The following OSTN variants were observed in gnomAD, a reference collection of about 807,000 sequenced individuals.
OSTN encodes osteocrin.
In OSTN, 9 loss-of-function variants were observed where a neutral mutation model predicts 12.0. The ratio of observed to expected loss-of-function variants is 0.75; its 90% confidence interval spans 0.45 to 1.30. OSTN has a LOEUF of 1.30. Ranked by LOEUF, OSTN falls within the 50% of genes most tolerant of loss-of-function variation. The pLI, the probability that OSTN is intolerant of heterozygous loss-of-function variation, is 0.00. For missense variants in OSTN, 148 were observed against 152.3 expected (o/e 0.97, Z 0.15); for synonymous variants, 59 against 56.9 (o/e 1.04, Z -0.16).
At chr3:191,201,280 C>G (rs1029081107) in intron 1 of OSTN, among the ~76,000 whole-genome samples, 2 of 152,012 alleles carry the variant, frequency 1.3e-5, no homozygotes, top group African/African-American at 4.8e-5. Context: ...CTCTCTTCCT[C>G]TTCAACAATT....
chr3:191,235,990 C>T (rs747083691), intron 3 of OSTN, among the ~76,000 whole-genome samples: 111 of 152,312 alleles, frequency 7.3e-4, no homozygotes, highest in Non-Finnish European at 1.1e-3. Flanking sequence ...TCTCAAAGCC[C>T]TTTCCCCATA....
chr3:191,239,888 T>G (rs1355889480), intron 3 of OSTN, among the ~76,000 whole-genome samples: 1 of 152,202 alleles, frequency 6.6e-6, no homozygotes, highest in Admixed American at 6.5e-5. Flanking sequence ...GGTTATCGGC[T>G]TGCTTCCTCT....
intron 2 of OSTN, among the ~76,000 whole-genome samples, chr3:191,213,804 C>T (rs550037383): frequency 1.3e-5 from 2 of 151,038 alleles, no homozygotes; most frequent in Admixed American, 6.6e-5. Context: ...CTTAAAAAAA[C>T]GATTGTGTAG....
In OSTN at chr3:191,227,892, G is replaced by A. The variant is rs867646747; in HGVS notation, c.317+8931G>A. Among the ~76,000 whole-genome samples the A allele has an allele frequency of 7.9e-5, 12 of 152,038 alleles. No individual in the cohort carries two copies. The South Asian group carries it at 2.3e-3, about 29-fold the overall frequency. On this transcript the variant is annotated intron_variant, in intron 3 of 4. Transcript: ENST00000682035. ...GACATTTTGAAATCATGCCATATCA[G>A]GTGTTATAATTTTATTTAACACGTT...
intron 3 of OSTN, among the ~76,000 whole-genome samples, chr3:191,243,315 C>T (rs1715361220): frequency 6.6e-6 from 1 of 152,068 alleles, no homozygotes; most frequent in African/African-American, 2.4e-5. Flanking sequence ...TAGAGGAATC[C>T]TTACTTGAAC....
At chr3:191,204,709 A>C (rs1179541748) in intron 1 of OSTN, among the ~76,000 whole-genome samples, 1 of 152,240 alleles carries the variant, frequency 6.6e-6, no homozygotes, top group African/African-American at 2.4e-5. Context: ...ACCTTCTTTA[A>C]AACTTTGTTC....
At chr3:191,213,591 A>C (rs1714522610) in intron 2 of OSTN, among the ~76,000 whole-genome samples, 2 of 152,116 alleles carry the variant, frequency 1.3e-5, no homozygotes, top group African/African-American at 4.8e-5. Flanking sequence ...TTTTAATTAC[A>C]GTACAAATAT....
intron 1 of OSTN, among the ~76,000 whole-genome samples, chr3:191,202,764 T>C (rs1007247347): frequency 6.6e-6 from 1 of 152,222 alleles, no homozygotes; most frequent in South Asian, 2.1e-4. Context: ...CCAGCCGATA[T>C]GTGCAACTCT....
At chr3:191,243,332 G>T (rs1715361533) in intron 3 of OSTN, among the ~76,000 whole-genome samples, 1 of 152,036 alleles carries the variant, frequency 6.6e-6, no homozygotes, top group Non-Finnish European at 1.5e-5. Flanking sequence ...GAACACCAAA[G>T]GCAGGTACAG....
chr3:191,232,893 G>A (rs1222701410), intron 3 of OSTN, among the ~76,000 whole-genome samples: 1 of 152,120 alleles, frequency 6.6e-6, no homozygotes, highest in Admixed American at 6.5e-5. Context: ...GGGATTACTG[G>A]TGTGAGCCAC....
chr3:191,241,466 G>A (rs1188644750), intron 3 of OSTN, among the ~76,000 whole-genome samples: 3 of 151,916 alleles, frequency 2.0e-5, no homozygotes, highest in Non-Finnish European at 4.4e-5. Context: ...TTACAGGCGT[G>A]AGCCAACGCG....
intron 3 of OSTN, among the ~76,000 whole-genome samples, chr3:191,241,519 T>C (rs1449721210): frequency 6.6e-6 from 1 of 152,144 alleles, no homozygotes; most frequent in East Asian, 1.9e-4. Flanking sequence ...ACTAGCATTT[T>C]AGTGCCCCTT....
chr3:191,241,939 C>T (rs1208809795), intron 3 of OSTN, among the ~76,000 whole-genome samples: 3 of 152,026 alleles, frequency 2.0e-5, no homozygotes, highest in Non-Finnish European at 4.4e-5. Flanking sequence ...AATTGTAGGA[C>T]AGCCTCATTA....
intron 4 of OSTN, among the ~76,000 whole-genome samples, chr3:191,256,904 G>C (rs970699524): frequency 6.6e-6 from 1 of 151,996 alleles, no homozygotes; most frequent in Non-Finnish European, 1.5e-5. Context: ...AACCAAGGTT[G>C]GGTGTTGTGG....
At chr3:191,254,835 A>G (rs1293671466) in intron 4 of OSTN, among the ~76,000 whole-genome samples, 1 of 152,322 alleles carries the variant, frequency 6.6e-6, no homozygotes, top group South Asian at 2.1e-4. Flanking sequence ...GACTTTCCTT[A>G]TAAGGAATCT....
chr3:191,217,837 G>C (rs898906615), intron 2 of OSTN, among the ~76,000 whole-genome samples: 13 of 152,062 alleles, frequency 8.5e-5, no homozygotes, highest in Non-Finnish European at 4.4e-5. Context: ...TATCCTTCAT[G>C]TCCAATGCAG....
chr3:191,262,910 T>A lies in OSTN; in HGVS notation c.*57T>A, dbSNP rs112569085. The A allele has an allele frequency of 7.0e-4, 490 of 701,884 alleles. 2 individuals carry two copies. In the African/African-American group the frequency reaches 7.1e-3, roughly 10 times the overall value. The allele number at this position is 701,884 out of a possible 1,614,324, so 43.5% of individuals were successfully genotyped here. A position where few individuals can be genotyped will look rare whatever the true frequency, so the allele number is the denominator to read the frequency against. On this transcript the variant is annotated 3_prime_UTR_variant, in exon 5 of 5. Coordinates refer to ENST00000682035, the MANE Select transcript of OSTN (RefSeq NM_198184.2). ...AATGTCACAGCAATATGGAAGATGC[T>A]TCACTGAAGTTATTCACACTTCTTA... is the stretch of plus-strand genomic sequence containing the variant.
intron 3 of OSTN, among the ~76,000 whole-genome samples, chr3:191,232,569 CTG>C: frequency 6.7e-6 from 1 of 149,030 alleles, no homozygotes; most frequent in East Asian, 2.0e-4. Flanking sequence ...GAGTCTCACT[CTG>C]TTGCCTAGGC....
At chr3:191,236,225 C>T (rs62288508) in intron 3 of OSTN, among the ~76,000 whole-genome samples, 6,674 of 152,250 alleles carry the variant, frequency 0.044, 209 homozygotes, top group Non-Finnish European at 0.06. Context: ...TTTTACTCAG[C>T]CTTTTAAAGC....
Sources: allele counts gnomAD v4.1 joint callset (sites outside exome capture counted in the v4.1 genomes callset), GRCh38; gene constraint gnomAD v4.1.1; transcripts MANE v1.5; gene names NCBI Gene and HGNC (gene_info 2026-07-23, HGNC 2026-07-21).